VPS13B: variants seen among roughly 807,000 people sequenced by gnomAD.
The protein encoded by VPS13B is vacuolar protein sorting 13 homolog B.
In VPS13B, 285 loss-of-function variants were observed where a neutral mutation model predicts 426.4. The observed-to-expected ratio is 0.67, with a 90% CI of 0.61 to 0.74. The LOEUF (loss-of-function observed/expected upper bound fraction) is 0.74. Among genes scored for constraint, VPS13B ranks in the 30% least tolerant of loss-of-function variants. The pLI, the probability that VPS13B is intolerant of heterozygous loss-of-function variation, is 0.00. For missense variants in VPS13B, 4,537 were observed against 4,782.6 expected (o/e 0.95, Z 1.51); for synonymous variants, 1,676 against 1,676.4 (o/e 1.00, Z 0.01).
chr8:99,217,220 C>T (rs149051041), intron 17 of VPS13B, among the ~76,000 whole-genome samples: 4 of 152,224 alleles, frequency 2.6e-5, no homozygotes, highest in Non-Finnish European at 5.9e-5. Context: ...AAGTGATTAT[C>T]GTGTGCCTGG....
intron 12 of VPS13B, among the ~76,000 whole-genome samples, chr8:99,141,003 T>C (rs1439982448): frequency 2.0e-5 from 3 of 152,192 alleles, no homozygotes; most frequent in East Asian, 1.9e-4. Context: ...ACAAATGTTA[T>C]GGACCCTAAA....
At chr8:99,077,342 G>C (rs1490176764) in intron 3 of VPS13B, among the ~76,000 whole-genome samples, 2 of 151,954 alleles carry the variant, frequency 1.3e-5, no homozygotes, top group Non-Finnish European at 2.9e-5. Flanking sequence ...CTGGCTTTTT[G>C]TACTTTTAGT....
intron 21 of VPS13B, among the ~76,000 whole-genome samples, chr8:99,430,050 A>T (rs574659262): frequency 1.3e-5 from 2 of 152,156 alleles, no homozygotes; most frequent in Non-Finnish European, 2.9e-5. Flanking sequence ...TTTTTGTTTC[A>T]TCTGACTACT....
rs550589711 is a variant in VPS13B, at chr8:99,578,078, A to C, written c.5220+445A>C. Among the ~76,000 whole-genome samples, 715 of 152,312 alleles carry C rather than the reference A, an allele frequency of 4.7e-3. 5 individuals are homozygous for C. The highest frequency in any genetic ancestry group is 0.016 in the African/African-American group (669 of 41,590). On this transcript the variant is annotated intron_variant, in intron 33 of 61. Transcript: ENST00000357162. ...TGCTCAGTGGGAAATGAATGGACAC[A>C]ATCATAAAAGTTGAATGCCTGCCTA...
At chr8:99,538,457 C>A (rs1421069002) in intron 30 of VPS13B, among the ~76,000 whole-genome samples, 1 of 151,952 alleles carries the variant, frequency 6.6e-6, no homozygotes, top group African/African-American at 2.4e-5. Flanking sequence ...TAGCACTTGA[C>A]AATTTGACAA....
intron 6 of VPS13B, among the ~76,000 whole-genome samples, chr8:99,111,738 C>G (rs887449089): frequency 1.3e-4 from 20 of 152,018 alleles, no homozygotes; most frequent in African/African-American, 4.6e-4. Flanking sequence ...GAAGTTTTAG[C>G]TTTTGATTTA....
chr8:99,535,402 T>C (rs141611978), intron 30 of VPS13B, among the ~76,000 whole-genome samples: 1 of 152,220 alleles, frequency 6.6e-6, no homozygotes, highest in Non-Finnish European at 1.5e-5. Flanking sequence ...CTTATCCTGT[T>C]TGAAGAACTT....
At chr8:99,479,768 A>C (rs1819940750) in intron 24 of VPS13B, among the ~76,000 whole-genome samples, 1 of 152,200 alleles carries the variant, frequency 6.6e-6, no homozygotes, top group Non-Finnish European at 1.5e-5. Flanking sequence ...GCATCCTGTC[A>C]TGTGAATGTA....
At chr8:99,343,245 C>T (rs906133297) in intron 19 of VPS13B, among the ~76,000 whole-genome samples, 1 of 151,794 alleles carries the variant, frequency 6.6e-6, no homozygotes. Context: ...AGGCACGCAC[C>T]ACCATGCCCA....
At chr8:99,608,110 G>A (rs1827679193) in intron 33 of VPS13B, among the ~76,000 whole-genome samples, 1 of 151,026 alleles carries the variant, frequency 6.6e-6, no homozygotes, top group Admixed American at 6.6e-5. Flanking sequence ...CCTTGATAAT[G>A]CATTAAAACT....
chr8:99,151,446 T>C (rs1438373372), intron 14 of VPS13B, among the ~76,000 whole-genome samples: 5 of 152,210 alleles, frequency 3.3e-5, no homozygotes, highest in African/African-American at 1.2e-4. Context: ...GTCATCATTA[T>C]ACCCAAGGTC....
chr8:99,026,874 ATT>A (rs1014422277), intron 2 of VPS13B, among the ~76,000 whole-genome samples: 1 of 148,780 alleles, frequency 6.7e-6, no homozygotes, highest in Non-Finnish European at 1.5e-5. Context: ...TGTTTTATTT[ATT>A]TTTTTTTTCC....
chr8:99,653,060 T>C (rs1829886015), intron 34 of VPS13B, among the ~76,000 whole-genome samples: 1 of 152,186 alleles, frequency 6.6e-6, no homozygotes, highest in Non-Finnish European at 1.5e-5. Flanking sequence ...ATGCCAAAGC[T>C]CTTTCATGCA....
At chr8:99,023,984 T>G (rs186619303) in intron 2 of VPS13B, among the ~76,000 whole-genome samples, 29 of 152,352 alleles carry the variant, frequency 1.9e-4, no homozygotes, top group African/African-American at 7.0e-4. Flanking sequence ...TTTTGTGGTG[T>G]TTTTTATAAT....
chr8:99,085,733 T>C (rs964972141), intron 3 of VPS13B, among the ~76,000 whole-genome samples: 6 of 152,226 alleles, frequency 3.9e-5, no homozygotes, highest in African/African-American at 1.4e-4. Context: ...GGATATGAAA[T>C]TCTGGGTTGA....
intron 33 of VPS13B, among the ~76,000 whole-genome samples, chr8:99,615,920 T>A (rs1044217757): frequency 2.0e-5 from 3 of 152,172 alleles, no homozygotes; most frequent in Non-Finnish European, 2.9e-5. Context: ...ATGTATATTA[T>A]AGGCAATATA....
chr8:99,161,881 C>T (rs1026900484), intron 15 of VPS13B, among the ~76,000 whole-genome samples: 1 of 151,770 alleles, frequency 6.6e-6, no homozygotes, highest in Non-Finnish European at 1.5e-5. Flanking sequence ...TACAGGTGTG[C>T]ACCACCACAC....
Position 99,147,937 on chromosome 8 carries a change from A to G in VPS13B, c.1940A>G (p.Lys647Arg). 5.6e-6 allele frequency: 9 copies of G among 1,613,926 alleles called. No homozygotes were observed. Among genetic ancestry groups the G allele is most frequent in the Non-Finnish European group, 7.6e-6 (9 of 1,179,902 alleles). ...PTRHTSVTLL[K>R]CTCTISMAEF... ...CGACATACAAGTGTTACTCTCCTCA[A>G]ATGTACCTGCACAATTTCCATGGCT... The change falls in exon 14 of 62, where the codon AAA becomes AGA. Residue 647 changes from lysine (K) to arginine (R), a missense_variant. Transcript: ENST00000357162.
At chr8:99,438,171 G>A (rs1248957956) in intron 22 of VPS13B, among the ~76,000 whole-genome samples, 1 of 151,558 alleles carries the variant, frequency 6.6e-6, no homozygotes, top group Non-Finnish European at 1.5e-5. Flanking sequence ...TTCCTTTAGG[G>A]AACTACTTCC....
Sources: gnomAD v4.1 joint callset for allele counts (sites outside exome capture counted in the v4.1 genomes callset) on GRCh38, gnomAD v4.1.1 for gene constraint, MANE v1.5 for transcripts, NCBI Gene and HGNC (gene_info 2026-07-23, HGNC 2026-07-21) for gene names.